PXDNL: variants seen among roughly 807,000 people sequenced by gnomAD.
PXDNL encodes peroxidasin like.
Under a neutral mutation model 150.8 loss-of-function variants are expected in PXDNL, and 145 were observed. That is an observed-to-expected ratio of 0.96 (90% confidence interval 0.84 to 1.10). The LOEUF is 1.10. Ranked by LOEUF, PXDNL falls within the 50% of genes least tolerant of loss-of-function variation. The pLI is 0.00. For missense variants in PXDNL, 2,087 were observed against 1,873.9 expected (o/e 1.11, Z -2.10); for synonymous variants, 757 against 725.7 (o/e 1.04, Z -0.69).
In PXDNL at chr8:51,698,937, T is replaced by C. The variant is rs539011240; in HGVS notation, c.165-44177A>G. ...GGTAATATTTTGAAAGGAATCTTTT[T>C]TTCTGGGCAGTAGGTCTCAGCAGTG... On this transcript the variant is annotated intron_variant, in intron 1 of 22. Transcript: ENST00000356297. 4.6e-5 allele frequency among the ~76,000 whole-genome samples: 7 copies of C among 152,326 alleles called. No homozygotes were observed. In the South Asian group the frequency reaches 1.2e-3, roughly 27 times the overall value.
At chr8:51,661,130 A>AT (rs1464993687) in intron 1 of PXDNL, among the ~76,000 whole-genome samples, 1 of 152,180 alleles carries the variant, frequency 6.6e-6, no homozygotes, top group South Asian at 2.1e-4. Context: ...TTGGAAATAC[A>AT]TTTTCCAGGC....
In PXDNL at chr8:51,600,292, T is replaced by C. The variant is rs181600462; in HGVS notation, c.237-7594A>G. On this transcript the variant is annotated intron_variant, in intron 2 of 22. Transcript: ENST00000356297. The stretch of plus-strand genomic sequence containing the variant: ...ATCGTTTAGATAATAAATTATATCT[T>C]ATATAAATTATATGGTTTAGATAAT... Among the ~76,000 whole-genome samples, 443 of 84,750 alleles carry C rather than the reference T, an allele frequency of 5.2e-3. 30 individuals are homozygous for C. Among genetic ancestry groups the C allele is most frequent in the Middle Eastern group, 0.032 (2 of 62 alleles). The allele number at this position is 84,750 out of a possible 152,430, so 55.6% of individuals were successfully genotyped here.
At chr8:51,463,265 A>T (rs1379763442) in intron 8 of PXDNL, among the ~76,000 whole-genome samples, 2 of 152,136 alleles carry the variant, frequency 1.3e-5, no homozygotes, top group Non-Finnish European at 2.9e-5. Context: ...GAAGATCAAA[A>T]CATCACATAT....
chr8:51,602,231 C>T (rs1048185174), intron 2 of PXDNL, among the ~76,000 whole-genome samples: 39 of 151,874 alleles, frequency 2.6e-4, no homozygotes, highest in African/African-American at 9.4e-4. Context: ...ACATCTCCAA[C>T]TAGATTAAGG....
chr8:51,486,777 TATA>T (rs1810757338), intron 5 of PXDNL, among the ~76,000 whole-genome samples: 1 of 12,082 alleles, frequency 8.3e-5, no homozygotes, highest in African/African-American at 2.0e-4. Context: ...TATATATATA[TATA>T]TATATATATA....
Position 51,483,659 on chromosome 8 carries a change from C to A in PXDNL, c.508G>T (p.Asp170Tyr), listed in dbSNP as rs1157072315. ...KIPAGSFSNLDSLKRLRLDSN... is the reference protein window; with the variant it reads ...KIPAGSFSNLYSLKRLRLDSN... The stretch of plus-strand genomic sequence containing the variant: ...TTCACTTACAATCTTTTTAATGAAT[C>A]CAGATTAGAAAAGCTCCCAGCTGGA... The change falls in exon 6 of 23, where the codon GAT becomes TAT. Residue 170 changes from aspartate (D) to tyrosine (Y), a missense_variant. Physicochemically the swap from Asp to Tyr is radical, Grantham distance 160. Coordinates refer to ENST00000356297, the MANE Select transcript of PXDNL (RefSeq NM_144651.5). 3 of 1,521,562 alleles carry A rather than the reference C, an allele frequency of 2.0e-6. No individual in the cohort carries two copies. Among genetic ancestry groups the A allele is most frequent in the East Asian group, 2.5e-5 (1 of 40,678 alleles). 94.3% of individuals were successfully genotyped at this position (1,521,562 alleles called of 1,614,324 possible).
At chr8:51,508,709 G>C (rs1253545794) in intron 4 of PXDNL, among the ~76,000 whole-genome samples, 1 of 152,140 alleles carries the variant, frequency 6.6e-6, no homozygotes, top group African/African-American at 2.4e-5. Context: ...TGCACAGCCA[G>C]CCCTCACCGC....
chr8:51,556,836 T>C lies in PXDNL; in HGVS notation c.380+4A>G, dbSNP rs199816991. 1.5e-4 allele frequency: 229 copies of C among 1,527,606 alleles called. No homozygotes were observed. In the Middle Eastern group the frequency reaches 5.2e-3, roughly 34 times the overall value. The allele number at this position is 1,527,606 out of a possible 1,614,324, so 94.6% of individuals were successfully genotyped here. On this transcript the variant is annotated splice_donor_region_variant and intron_variant, in intron 4 of 22. Transcript: ENST00000356297. Reference sequence around the variant, plus strand: ...GATTTAATAAAAAAGTTTCTATTACTTACAGATGTTCCAAAGATATGAGTC... The same window carrying C: ...GATTTAATAAAAAAGTTTCTATTACCTACAGATGTTCCAAAGATATGAGTC...
chr8:51,480,208 C>A (rs1236020343), intron 6 of PXDNL, among the ~76,000 whole-genome samples: 4 of 152,246 alleles, frequency 2.6e-5, no homozygotes, highest in African/African-American at 9.6e-5. Flanking sequence ...CAAAAGTGGC[C>A]TCTGTATTAG....
At chr8:51,534,337 C>A (rs1295788658) in intron 4 of PXDNL, among the ~76,000 whole-genome samples, 2 of 146,826 alleles carry the variant, frequency 1.4e-5, no homozygotes, top group Admixed American at 6.6e-5. Flanking sequence ...GCAGCCACCC[C>A]GTCCGGGAGG....
At chr8:51,708,029 A>T (rs185977382) in intron 1 of PXDNL, among the ~76,000 whole-genome samples, 1 of 152,174 alleles carries the variant, frequency 6.6e-6, no homozygotes, top group Non-Finnish European at 1.5e-5. Flanking sequence ...TAAGAACCAC[A>T]TCTAAATTAA....
intron 2 of PXDNL, among the ~76,000 whole-genome samples, chr8:51,629,733 G>T (rs7839588): frequency 6.6e-6 from 1 of 152,028 alleles, no homozygotes; most frequent in African/African-American, 2.4e-5. Context: ...TTTATCATCA[G>T]AAACCATGCA....
chr8:51,469,843 T>A (rs868455945), intron 8 of PXDNL, among the ~76,000 whole-genome samples: 1 of 152,130 alleles, frequency 6.6e-6, no homozygotes, highest in Middle Eastern at 3.2e-3. Flanking sequence ...ACATTTCTTG[T>A]CATAAACTCT....
chr8:51,361,688 G>T (rs1355620041), intron 19 of PXDNL, among the ~76,000 whole-genome samples: 1 of 152,070 alleles, frequency 6.6e-6, no homozygotes, highest in African/African-American at 2.4e-5. Flanking sequence ...CTGGCTAGGT[G>T]CAGTGGCTCA....
intron 1 of PXDNL, among the ~76,000 whole-genome samples, chr8:51,732,603 C>A (rs185456747): frequency 6.6e-6 from 1 of 152,282 alleles, no homozygotes; most frequent in East Asian, 1.9e-4. Flanking sequence ...TCTGTTCTCA[C>A]CCTGCTAATA....
In PXDNL at chr8:51,809,239, G is replaced by T; in HGVS notation, c.106C>A (p.Arg36Ser). The change falls in exon 1 of 23, where the codon CGC becomes AGC. Residue 36 changes from arginine (R) to serine (S), a missense_variant. Coordinates refer to ENST00000356297, the MANE Select transcript of PXDNL (RefSeq NM_144651.5). The stretch of plus-strand genomic sequence containing the variant: ...TGGTCCAGCATCAAGTGCATGCAGC[G>T]GACGGTGCTCTTAAAGCAAAGGCAC... ...SRCLCFKSTV[R>S]CMHLMLDHIP... The T allele has an allele frequency of 6.2e-7, 1 of 1,612,796 alleles. No individual in the cohort carries two copies. The highest frequency in any genetic ancestry group is 8.5e-7 in the Non-Finnish European group (1 of 1,179,426).
chr8:51,346,439 T>C (rs1806160911), intron 19 of PXDNL, among the ~76,000 whole-genome samples: 1 of 152,264 alleles, frequency 6.6e-6, no homozygotes, highest in African/African-American at 2.4e-5. Flanking sequence ...GTTAAAATTG[T>C]AAGTTTTATG....
chr8:51,408,505 A>T lies in PXDNL; in HGVS notation c.3119T>A (p.Val1040Glu). 6.2e-7 allele frequency: 1 copy of T among 1,613,426 alleles called. No homozygotes were observed. Among genetic ancestry groups the T allele is most frequent in the Non-Finnish European group, 8.5e-7 (1 of 1,179,616 alleles). The change falls in exon 17 of 23, where the codon GTG becomes GAG. Residue 1040 changes from valine (V) to glutamate (E), a missense_variant. Transcript: ENST00000356297. ...AAAAGAGTTAATGATGCCTGCATTC[A>T]CGTTGGGGTTGTAGCCTCGGTAACC... ...LRGYRGYNPN[V>E]NAGIINSFAT...
chr8:51,493,875 G>T (rs1337287538), intron 5 of PXDNL, among the ~76,000 whole-genome samples: 5 of 152,162 alleles, frequency 3.3e-5, no homozygotes, highest in Non-Finnish European at 7.3e-5. Context: ...TTATCCAGGA[G>T]AACTTCCCAA....
Sources: allele counts gnomAD v4.1 joint callset (sites outside exome capture counted in the v4.1 genomes callset), GRCh38; gene constraint gnomAD v4.1.1; transcripts MANE v1.5; gene names NCBI Gene and HGNC (gene_info 2026-07-23, HGNC 2026-07-21).